Variants in BTBD8 observed in about 807,000 individuals in gnomAD.
BTBD8 encodes the protein BTB/POZ domain-containing protein 8.
A neutral mutation model predicts 162.9 loss-of-function variants in BTBD8; 110 were observed. That is an observed-to-expected ratio of 0.68 (90% CI 0.58 to 0.79). The LOEUF (loss-of-function observed/expected upper bound fraction) is 0.79. Ranked by LOEUF, BTBD8 falls within the 30% of genes least tolerant of loss-of-function variation. BTBD8 has a pLI of 0.00. For synonymous variants in BTBD8, 667 were observed against 716.1 expected (o/e 0.93, Z 1.10); for missense variants, 1,905 against 2,085.4 (o/e 0.91, Z 1.68).
intron 12 of BTBD8, 27 bp from the exon 13 acceptor site, chr1:92,171,372 A>G (rs780231046): frequency 2.0e-6 from 3 of 1,524,012 alleles, no homozygotes; most frequent in Middle Eastern, 1.7e-4. Context: ...GTTCCTTATA[A>G]AAACAAATTG....
At chr1:92,118,276 G>A (rs1649097185) in intron 4 of BTBD8, among the ~76,000 whole-genome samples, 1 of 118,636 alleles carries the variant, frequency 8.4e-6, no homozygotes. Context: ...CAGTTTTTCA[G>A]ACTTTCTTTT....
Position 92,102,469 on chromosome 1 carries a change from T to C in BTBD8, c.348-4T>C, listed in dbSNP as rs1648613580. ...TTATTAATATTTTATATTTTGTCTT[T>C]TAGGATTATATATTCATCAAACAGA... On this transcript the variant is annotated splice_polypyrimidine_tract_variant and splice_region_variant and intron_variant, in intron 2 of 17. Coordinates refer to ENST00000636805, the MANE Select transcript of BTBD8 (RefSeq NM_001376131.1). 1 of 1,433,974 alleles carries C rather than the reference T, an allele frequency of 7.0e-7. No individual in the cohort carries two copies. The highest frequency in any genetic ancestry group is 9.3e-7 in the Non-Finnish European group (1 of 1,075,884). 88.8% of individuals were successfully genotyped at this position (1,433,974 alleles called of 1,614,324 possible).
intron 1 of BTBD8, among the ~76,000 whole-genome samples, chr1:92,085,796 G>T (rs934735109): frequency 6.6e-6 from 1 of 152,208 alleles, no homozygotes; most frequent in African/African-American, 2.4e-5. Flanking sequence ...GGAAGGCTGA[G>T]GGGGATGGAT....
At chr1:92,150,297 G>T (rs953668492) in intron 9 of BTBD8, among the ~76,000 whole-genome samples, 1 of 89,154 alleles carries the variant, frequency 1.1e-5, no homozygotes, top group African/African-American at 3.8e-5. Context: ...ATAATTGTGA[G>T]CTATACATAC....
intron 3 of BTBD8, among the ~76,000 whole-genome samples, chr1:92,106,270 A>G (rs548237998): frequency 2.0e-5 from 3 of 152,282 alleles, no homozygotes; most frequent in Non-Finnish European, 1.5e-5. Flanking sequence ...TTAATGCACG[A>G]TGGATGGCAG....
chr1:92,113,873 G>A (rs1366820778), intron 4 of BTBD8, among the ~76,000 whole-genome samples: 3 of 151,736 alleles, frequency 2.0e-5, no homozygotes, highest in African/African-American at 4.9e-5. Flanking sequence ...TTAACCAGGC[G>A]CAGTGGCATG....
At chr1:92,145,789 GACC>G (rs200541196) in intron 7 of BTBD8, among the ~76,000 whole-genome samples, 4,401 of 152,280 alleles carry the variant, frequency 0.029, 166 homozygotes, top group African/African-American at 0.084. Flanking sequence ...AGACCAGCCT[GACC>G]AACATGGTGA....
chr1:92,143,046 A>G (rs900551276), intron 7 of BTBD8, among the ~76,000 whole-genome samples: 4 of 152,194 alleles, frequency 2.6e-5, no homozygotes, highest in Non-Finnish European at 5.9e-5. Flanking sequence ...CAATGAAAAG[A>G]TAGGTGTTAA....
chr1:92,156,480 G>A (rs1570748843), intron 9 of BTBD8, among the ~76,000 whole-genome samples: 1 of 152,142 alleles, frequency 6.6e-6, no homozygotes, highest in East Asian at 1.9e-4. Context: ...TTGGAAGGGT[G>A]TGAGAAGGAT....
chr1:92,172,217 A>G (rs1440108773), intron 13 of BTBD8, among the ~76,000 whole-genome samples: 1 of 152,196 alleles, frequency 6.6e-6, no homozygotes, highest in African/African-American at 2.4e-5. Context: ...GAGGTATCTA[A>G]AGTAGTTGAA....
intron 2 of BTBD8, among the ~76,000 whole-genome samples, chr1:92,092,691 T>C (rs906323970): frequency 6.6e-6 from 1 of 152,250 alleles, no homozygotes; most frequent in Non-Finnish European, 1.5e-5. Context: ...TTTGTATGTC[T>C]GACCTTAATG....
intron 9 of BTBD8, 65 bp from the exon 10 acceptor site, chr1:92,166,893 T>G: frequency 7.0e-7 from 1 of 1,424,572 alleles, no homozygotes; most frequent in Non-Finnish European, 9.3e-7. Context: ...GTATTTGATT[T>G]GCTTAGAGAG....
At chr1:92,120,818 A>G (rs547344313) in intron 4 of BTBD8, among the ~76,000 whole-genome samples, 2 of 152,354 alleles carry the variant, frequency 1.3e-5, no homozygotes, top group East Asian at 3.9e-4. Context: ...TCTGAGATTT[A>G]GTGGCAGGAT....
rs907985734 is a variant in BTBD8 at position 92,080,455 on chromosome 1, T to A, written c.-117T>A. 7 of 1,457,016 alleles carry A rather than the reference T, an allele frequency of 4.8e-6. No homozygotes were observed. The highest frequency in any genetic ancestry group is 4.1e-5 in the South Asian group (3 of 72,712). 90.3% of individuals were successfully genotyped at this position (1,457,016 alleles called of 1,614,324 possible). A position where few individuals can be genotyped will look rare whatever the true frequency, so the allele number is the denominator to read the frequency against. ...GACGAGAGGCGTCAACCTTTTACCC[T>A]AGGGGGCGGATTTGGGTAGGAGCCG... On this transcript the variant is annotated 5_prime_UTR_variant, in exon 1 of 18. Transcript: ENST00000636805.
chr1:92,087,842 C>T (rs911110440), intron 1 of BTBD8, among the ~76,000 whole-genome samples: 25 of 152,116 alleles, frequency 1.6e-4, no homozygotes, highest in African/African-American at 6.0e-4. Flanking sequence ...TCCTGTAATA[C>T]AGAAGTCCTC....
intron 3 of BTBD8, among the ~76,000 whole-genome samples, chr1:92,106,020 A>C (rs1648715518): frequency 6.6e-6 from 1 of 152,240 alleles, no homozygotes; most frequent in Non-Finnish European, 1.5e-5. Flanking sequence ...CTAAGGTTGC[A>C]GTTCCTTAAG....
Position 92,180,690 on chromosome 1 carries a change from GCACTCCAGT to G in BTBD8, c.3010_3018del (p.Leu1004_Ser1006del). On this transcript the variant is annotated inframe_deletion, in exon 17 of 18. Coordinates refer to ENST00000636805, the MANE Select transcript of BTBD8 (RefSeq NM_001376131.1). Reference sequence around the variant, plus strand: ...TGCATCTGAAATAAGTGATGCAGAAGCACTCCAGTCATCCTGCAGGCCTGACCCACAAAA... The same window carrying G: ...TGCATCTGAAATAAGTGATGCAGAAGCATCCTGCAGGCCTGACCCACAAAA... 6.4e-7 allele frequency: 1 copy of G among 1,551,414 alleles called. No homozygotes were observed. Among genetic ancestry groups the G allele is most frequent in the Non-Finnish European group, 8.7e-7 (1 of 1,146,822 alleles).
At chr1:92,093,575 A>G (rs1648373243) in intron 2 of BTBD8, among the ~76,000 whole-genome samples, 1 of 152,222 alleles carries the variant, frequency 6.6e-6, no homozygotes, top group Non-Finnish European at 1.5e-5. Flanking sequence ...TGATGAAGCC[A>G]GTTCTACCAC....
In BTBD8 at chr1:92,088,772, T is replaced by A; in HGVS notation, c.224T>A (p.Val75Asp). The change falls in exon 2 of 18, where the codon GTC (valine) becomes GAC (aspartate). Residue 75 changes from valine (V) to aspartate (D), a missense_variant. Val to Asp is a radical substitution (Grantham distance 152, BLOSUM62 -3). This residue lies in a region of BTBD8 where 1,374 missense variants were observed against 1,442.7 expected (regional missense o/e 0.95). Coordinates refer to ENST00000636805, the MANE Select transcript of BTBD8 (RefSeq NM_001376131.1). ...GCTLFKAHKA[V>D]LLARVPDFYF... is the part of the protein sequence containing the mutation. ...ACTTTGTTCAAAGCACACAAAGCAG[T>A]CCTTTTAGCAAGAGTTCCTGACTTC... 1.9e-6 allele frequency: 3 copies of A among 1,613,204 alleles called. No homozygotes were observed. In the Admixed American group the frequency reaches 5.0e-5, roughly 27 times the overall value.
Sources: gnomAD v4.1 joint callset for allele counts (sites outside exome capture counted in the v4.1 genomes callset) on GRCh38, gnomAD v4.1.1 for gene constraint, gnomAD v4.1.1 regional missense constraint, MANE v1.5 for transcripts, NCBI Gene and HGNC (gene_info 2026-07-23, HGNC 2026-07-21) for gene names.